Variants in DNAAF9 observed in about 807,000 individuals in gnomAD.
The protein encoded by DNAAF9 is shulin.
In DNAAF9, 90 loss-of-function variants were observed where a neutral mutation model predicts 167.0. The ratio of observed to expected loss-of-function variants is 0.54; its 90% CI spans 0.45 to 0.64. DNAAF9 has a LOEUF of 0.64. DNAAF9 is among the 30% of genes least tolerant of loss of function. The pLI, the probability that DNAAF9 is intolerant of heterozygous loss-of-function variation, is 0.00. For missense variants in DNAAF9, 1,315 were observed against 1,442.2 expected, an observed-to-expected ratio of 0.91 and a Z score of 1.43; for synonymous variants, 491 against 508.8, an observed-to-expected ratio of 0.96 and a Z score of 0.47.
At chr20:3,281,969 G>A (rs1211945959) in intron 27 of DNAAF9, among the ~76,000 whole-genome samples, 4 of 152,182 alleles carry the variant, frequency 2.6e-5, no homozygotes, top group Admixed American at 6.5e-5. Context: ...AGTTCCATTA[G>A]TCCTCATAAC....
intron 8 of DNAAF9, among the ~76,000 whole-genome samples, chr20:3,344,694 G>A (rs2070160785): frequency 6.6e-6 from 1 of 150,714 alleles, no homozygotes; most frequent in Non-Finnish European, 1.5e-5. Context: ...TTTCCTTAAG[G>A]CAGATCTGGA....
intron 6 of DNAAF9, among the ~76,000 whole-genome samples, chr20:3,372,741 C>G (rs2083527050): frequency 6.6e-6 from 1 of 152,122 alleles, no homozygotes; most frequent in African/African-American, 2.4e-5. Flanking sequence ...CTCTGTGAAA[C>G]TGGGAAATTC....
intron 29 of DNAAF9, among the ~76,000 whole-genome samples, chr20:3,274,287 C>A (rs981429905): frequency 6.6e-6 from 1 of 151,926 alleles, no homozygotes; most frequent in Non-Finnish European, 1.5e-5. Context: ...GAATTACAGG[C>A]GCACACCACT....
Position 3,407,360 on chromosome 20 carries a change from A to C in DNAAF9, c.83+115T>G, listed in dbSNP as rs966700659. 40 of 904,718 alleles carry C rather than the reference A, an allele frequency of 4.4e-5. No homozygotes were observed. The African/African-American group carries it at 7.0e-4, about 16-fold the overall frequency. The allele number at this position is 904,718 out of a possible 1,614,324, so 56.0% of individuals were successfully genotyped here. A position where few individuals can be genotyped will look rare whatever the true frequency, so the allele number is the denominator to read the frequency against. Reference sequence around the variant, plus strand: ...AATTCCTCCCTGAGCCGTTCAGCAAAGAACCGTCCCGAGGAAGCCATGTCG... The same window carrying C: ...AATTCCTCCCTGAGCCGTTCAGCAACGAACCGTCCCGAGGAAGCCATGTCG... On this transcript the variant is annotated intron_variant, in intron 1 of 36. Coordinates refer to ENST00000252032, the MANE Select transcript of DNAAF9 (RefSeq NM_001009984.3).
At chr20:3,319,639 C>T (rs781741463) in intron 16 of DNAAF9, among the ~76,000 whole-genome samples, 8 of 152,090 alleles carry the variant, frequency 5.3e-5, no homozygotes, top group Non-Finnish European at 8.8e-5. Context: ...TAGCCTGGGA[C>T]GCCTGTCCCA....
At chr20:3,351,672 T>C (rs997129411) in intron 7 of DNAAF9, among the ~76,000 whole-genome samples, 2 of 152,076 alleles carry the variant, frequency 1.3e-5, no homozygotes, top group African/African-American at 4.8e-5. Flanking sequence ...CACATTTGGA[T>C]GATAAAATTG....
chr20:3,311,307 ATT>A (rs11476401), intron 20 of DNAAF9, among the ~76,000 whole-genome samples: 1 of 148,614 alleles, frequency 6.7e-6, no homozygotes, highest in Non-Finnish European at 1.5e-5. Flanking sequence ...TGCCTGGCTA[ATT>A]TTTTTTTTTT....
intron 10 of DNAAF9, among the ~76,000 whole-genome samples, chr20:3,338,966 ATTTT>A (rs375570874): frequency 6.7e-6 from 1 of 148,360 alleles, no homozygotes; most frequent in South Asian, 2.1e-4. Context: ...TTCTTGGATG[ATTTT>A]TTTTTTCTCT....
At chr20:3,370,126 A>T (rs1299107429) in intron 6 of DNAAF9, among the ~76,000 whole-genome samples, 2 of 152,236 alleles carry the variant, frequency 1.3e-5, no homozygotes, top group African/African-American at 4.8e-5. Flanking sequence ...AGCTTCTATT[A>T]CTGGGTCTCC....
At chr20:3,331,891 C>T (rs924552324) in intron 11 of DNAAF9, among the ~76,000 whole-genome samples, 1 of 152,198 alleles carries the variant, frequency 6.6e-6, no homozygotes, top group Non-Finnish European at 1.5e-5. Flanking sequence ...CCAGGCTGGT[C>T]TCAAACTCCT....
At chr20:3,337,158 C>T (rs950051402) in intron 10 of DNAAF9, among the ~76,000 whole-genome samples, 2 of 151,196 alleles carry the variant, frequency 1.3e-5, no homozygotes, top group African/African-American at 4.9e-5. Flanking sequence ...GGATTACAGG[C>T]GTGAGCCACC....
At chr20:3,359,849 C>T (rs1242026396) in intron 6 of DNAAF9, among the ~76,000 whole-genome samples, 4 of 152,158 alleles carry the variant, frequency 2.6e-5, no homozygotes, top group Non-Finnish European at 5.9e-5. Flanking sequence ...TACACACATG[C>T]ACATACAGAC....
At chr20:3,394,949 CTTTTTTTTTTTTTTTTTTTTTTTTTTTT>C (rs10522445) in intron 1 of DNAAF9, among the ~76,000 whole-genome samples, 1 of 102,132 alleles carries the variant, frequency 9.8e-6, no homozygotes, top group African/African-American at 4.1e-5. Context: ...TTTCTTTTTT[CTTTTTTTTTTTTTTTTTTTTTTTTTTTT>C]TTTTTTTTGA....
chr20:3,343,678 G>C lies in DNAAF9; in HGVS notation c.843C>G (p.Asn281Lys), dbSNP rs929823078. Residue 281 changes from asparagine (N) to lysine (K), a missense_variant and splice_region_variant, in exon 9 of 37, where the codon AAC (asparagine) becomes AAG (lysine). This residue lies in a region of DNAAF9 where 981 missense variants were observed against 1,012.5 expected (regional missense o/e 0.97). Coordinates refer to ENST00000252032, the MANE Select transcript of DNAAF9 (RefSeq NM_001009984.3). ...TCTTCCCCAAGAAAGAAACTTACCTGTTTTCAGTTATATGGCTAGAGATCA... is the reference window on the plus strand; with the variant it reads ...TCTTCCCCAAGAAAGAAACTTACCTCTTTTCAGTTATATGGCTAGAGATCA... The part of the protein sequence containing the change: ...HGMISSHITE[N>K]SPNRQPFVLF... 2.5e-6 allele frequency: 4 copies of C among 1,608,144 alleles called. No individual in the cohort carries two copies. Among genetic ancestry groups the C allele is most frequent in the South Asian group, 1.1e-5 (1 of 90,220 alleles).
Position 3,291,571 on chromosome 20 carries a change from T to C in DNAAF9, c.2239-1354A>G, listed in dbSNP as rs1568582599. On this transcript the variant is annotated intron_variant, in intron 25 of 36. Transcript: ENST00000252032. ...TGTTGGCCAGGATGGTCTCAATCTC[T>C]TGACCTCGTGATCCACCTGCCTCAG... Among the ~76,000 whole-genome samples the C allele has an allele frequency of 1.3e-5, 2 of 151,716 alleles. 1 individual carries two copies. Among genetic ancestry groups the C allele is most frequent in the Admixed American group, 1.3e-4 (2 of 15,248 alleles).
intron 16 of DNAAF9, among the ~76,000 whole-genome samples, chr20:3,321,217 A>C (rs2069609868): frequency 6.6e-6 from 1 of 152,190 alleles, no homozygotes; most frequent in African/African-American, 2.4e-5. Flanking sequence ...TGTATCACTT[A>C]ATGACAGGGA....
chr20:3,356,967 T>C (rs1426569846), intron 7 of DNAAF9, among the ~76,000 whole-genome samples: 2 of 152,182 alleles, frequency 1.3e-5, no homozygotes, highest in Non-Finnish European at 2.9e-5. Flanking sequence ...GGTTTCTCTA[T>C]TTCATTATTT....
chr20:3,401,959 C>A (rs2083993475), intron 1 of DNAAF9, among the ~76,000 whole-genome samples: 1 of 152,176 alleles, frequency 6.6e-6, no homozygotes, highest in African/African-American at 2.4e-5. Context: ...CTTAATCAGA[C>A]TGTTTTGCTA....
At chr20:3,282,079 G>A (rs1163570637) in intron 27 of DNAAF9, among the ~76,000 whole-genome samples, 2 of 152,168 alleles carry the variant, frequency 1.3e-5, no homozygotes, top group African/African-American at 4.8e-5. Flanking sequence ...CCTTAGGCCT[G>A]TTTTCTAATC....
Sources: allele counts gnomAD v4.1 joint callset (sites outside exome capture counted in the v4.1 genomes callset), GRCh38; gene constraint gnomAD v4.1.1; regional missense constraint gnomAD v4.1.1; transcripts MANE v1.5; gene names NCBI Gene and HGNC (gene_info 2026-07-23, HGNC 2026-07-21).